PDE4A: variants seen among roughly 807,000 people sequenced by gnomAD.
PDE4A encodes the protein 3',5'-cyclic-AMP phosphodiesterase 4A.
PDE4A carries 21 observed loss-of-function variants against 73.9 expected under a neutral mutation model. The observed-to-expected ratio is 0.28, with a 90% CI of 0.20 to 0.41. PDE4A has a LOEUF of 0.41. PDE4A is among the 10% of genes least tolerant of loss of function. The pLI is 1.00. For synonymous variants in PDE4A, 463 were observed against 505.4 expected (o/e 0.92, Z 1.13); for missense variants, 958 against 1,211.4 (o/e 0.79, Z 3.10).
intron 1 of PDE4A, among the ~76,000 whole-genome samples, chr19:10,439,126 G>T (rs2042903080): frequency 6.6e-6 from 1 of 152,078 alleles, no homozygotes; most frequent in Admixed American, 6.6e-5. Flanking sequence ...CTAGGAGTGG[G>T]ATTGCGCGGT....
At chr19:10,450,769 A>G (rs1395564501) in intron 5 of PDE4A, 60 bp from the exon 6 acceptor site, 12 of 1,578,186 alleles carry the variant, frequency 7.6e-6, no homozygotes, top group Non-Finnish European at 9.5e-6. Context: ...GGCGGTCTGG[A>G]GCCTCTGGGC....
Position 10,459,478 on chromosome 19 carries a change from A to T in PDE4A, c.1180A>T (p.Ile394Phe). Residue 394 changes from isoleucine to phenylalanine, a missense_variant, in exon 9 of 15, where the codon ATC (isoleucine) becomes TTC (phenylalanine). Physicochemically the swap from Ile to Phe is conservative, Grantham distance 21. Around this residue, in one of 3 missense-constraint regions of PDE4A, gnomAD observed 570 missense variants for 827.7 expected, o/e 0.69. Transcript: ENST00000380702. ...CGCTGGAGGCCGCTCACTCACCTGC[A>T]TCATGTACATGATATTCCAGGTGAT... ...DYAGGRSLTC[I>F]MYMIFQERDL... is the part of the protein sequence containing the mutation. The T allele has an allele frequency of 6.2e-7, 1 of 1,614,064 alleles. No individual in the cohort carries two copies. The highest frequency in any genetic ancestry group is 8.5e-7 in the Non-Finnish European group (1 of 1,179,966).
At chr19:10,417,656 C>A, upstream of PDE4A, 1 of 1,590,830 alleles carries the variant, frequency 6.3e-7, no homozygotes, top group South Asian at 1.1e-5. Flanking sequence ...TTGTCCCTCC[C>A]CAGAGGTCGA....
chr19:10,461,329 TGAACGGGCAGGA>T, intron 11 of PDE4A, 185 bp from the exon 12 acceptor site: 1 of 821,940 alleles, frequency 1.2e-6, no homozygotes, highest in Non-Finnish European at 1.4e-6. Context: ...GGAAAGGGGA[TGAACGGGCAGGA>T]GGCGGGGCTG....
chr19:10,420,382 C>G (rs1250259668), upstream of PDE4A: 17 of 977,994 alleles, frequency 1.7e-5, no homozygotes, highest in Admixed American at 2.5e-4. The surrounding 1 kb of genome is among the most constrained non-coding windows in gnomAD (Gnocchi z 6.0). Flanking sequence ...GGAAGGGCCC[C>G]CCTCCTTAGG....
At chr19:10,460,798 C>CAAA (rs34675916) in intron 10 of PDE4A, 7 of 103,414 alleles carry the variant, frequency 6.8e-5, no homozygotes, top group Non-Finnish European at 1.2e-4. Flanking sequence ...AACTCTGTCT[C>CAAA]AAAAAAAAAA....
At chr19:10,451,933 C>G (rs2043097071) in intron 6 of PDE4A, among the ~76,000 whole-genome samples, 1 of 151,434 alleles carries the variant, frequency 6.6e-6, no homozygotes, top group South Asian at 2.1e-4. Context: ...ACATAGCAGT[C>G]TGAGGGCGAT....
At position 10,459,395 on chromosome 19, in the gene PDE4A, A is replaced by AC. The variant is rs761089723; in HGVS notation, c.1102-3dup. 5.6e-6 allele frequency: 9 copies of AC among 1,614,170 alleles called. No individual in the cohort carries two copies. In the South Asian group the frequency reaches 8.8e-5, roughly 16 times the overall value. On this transcript the variant is annotated splice_polypyrimidine_tract_variant and splice_region_variant and intron_variant, in intron 8 of 14. Transcript: ENST00000380702. ...CTTCTGACCTCTGGCCTCCGTCTCCACCAGGAACTGGAGAACCTGAACAAG... is the reference window on the plus strand; with the variant it reads ...CTTCTGACCTCTGGCCTCCGTCTCCACCCAGGAACTGGAGAACCTGAACAAG...
upstream of PDE4A, chr19:10,418,968 G>C (rs974783112): frequency 5.4e-5 from 53 of 985,160 alleles, no homozygotes; most frequent in Non-Finnish European, 6.4e-5. Context: ...CTGCTGATGG[G>C]GGGGCCGGTT....
chr19:10,453,149 G>T lies in PDE4A; in HGVS notation c.784-1680G>T. 1 of 1,433,204 alleles carries T rather than the reference G, an allele frequency of 7.0e-7. No individual in the cohort carries two copies. Among genetic ancestry groups the T allele is most frequent in the Non-Finnish European group, 9.2e-7 (1 of 1,092,614 alleles). The allele number at this position is 1,433,204 out of a possible 1,614,324, so 88.8% of individuals were successfully genotyped here. A position where few individuals can be genotyped will look rare whatever the true frequency, so the allele number is the denominator to read the frequency against. ...CTGGGCCGGCCCAGGCCCCTCCGCGGCTCCCCCTTCCACTACCCACCTGCC... is the reference window on the plus strand; with the variant it reads ...CTGGGCCGGCCCAGGCCCCTCCGCGTCTCCCCCTTCCACTACCCACCTGCC... On this transcript the variant is annotated intron_variant, in intron 6 of 14. Coordinates refer to ENST00000380702, the MANE Select transcript of PDE4A (RefSeq NM_001111307.2). This position sits in a 1 kb window ranked among gnomAD's most constrained non-coding sequence, Gnocchi z 4.6.
At chr19:10,419,147 G>C (rs2042615786), upstream of PDE4A, 1 of 944,688 alleles carries the variant, frequency 1.1e-6, no homozygotes, top group Non-Finnish European at 1.3e-6. Context: ...GGGAGCCCGT[G>C]ACAGGGGGCG....
At position 10,446,207 on chromosome 19, in the gene PDE4A, A is replaced by G. The variant is rs1568374228; in HGVS notation, c.321-11A>G. On this transcript the variant is annotated splice_polypyrimidine_tract_variant and intron_variant, in intron 1 of 14. Coordinates refer to ENST00000380702, the MANE Select transcript of PDE4A (RefSeq NM_001111307.2). ...AGCCTCCTGACCCCTCTTCTCGCCC[A>G]TCCCCTGCAGCTTCGAGGCAGAGAA... 6.4e-7 allele frequency: 1 copy of G among 1,556,456 alleles called. No homozygotes were observed.
chr19:10,456,351 C>T (rs924605899), intron 7 of PDE4A, among the ~76,000 whole-genome samples: 3 of 151,998 alleles, frequency 2.0e-5, no homozygotes, highest in Non-Finnish European at 4.4e-5. Context: ...CATGGTGAAA[C>T]GCCATCTCTA....
At chr19:10,442,789 T>G (rs998450983) in intron 1 of PDE4A, among the ~76,000 whole-genome samples, 2 of 148,714 alleles carry the variant, frequency 1.3e-5, no homozygotes, top group African/African-American at 4.9e-5. Flanking sequence ...CACATACTAC[T>G]AATATATGTA....
intron 1 of PDE4A, among the ~76,000 whole-genome samples, chr19:10,426,725 T>G (rs749170310): frequency 2.6e-5 from 4 of 151,738 alleles, no homozygotes; most frequent in Non-Finnish European, 5.9e-5. Flanking sequence ...ATACAAAAAT[T>G]AGCTGGGCGC....
In PDE4A at chr19:10,437,402, G is replaced by A. The variant is rs535293090; in HGVS notation, c.321-8816G>A. Among the ~76,000 whole-genome samples, 160 of 152,048 alleles carry A rather than the reference G, an allele frequency of 1.1e-3. 1 individual carries two copies. Among genetic ancestry groups the A allele is most frequent in the African/African-American group, 3.3e-3 (139 of 41,510 alleles). On this transcript the variant is annotated intron_variant, in intron 1 of 14. Transcript: ENST00000380702. ...CTCCCAAAGTGTTGGGATTACAGGC[G>A]TAAGCCACCGTGCCCGGCCTTTTTC... is the stretch of plus-strand genomic sequence containing the variant.
chr19:10,420,438 T>A (rs963576896), upstream of PDE4A: 3 of 828,010 alleles, frequency 3.6e-6, no homozygotes, highest in Non-Finnish European at 4.3e-6. The surrounding 1 kb of genome is among the most constrained non-coding windows in gnomAD (Gnocchi z 6.0). Flanking sequence ...GGGGCGGCGC[T>A]GACAGCCGCG....
rs781150332 is a variant in PDE4A, at chr19:10,466,942, T to C, written c.1982T>C (p.Val661Ala). 6.2e-7 allele frequency: 1 copy of C among 1,614,152 alleles called. No individual in the cohort carries two copies. Among genetic ancestry groups the C allele is most frequent in the South Asian group, 1.1e-5 (1 of 91,086 alleles). Residue 661 changes from valine (V) to alanine (A), a missense_variant, in exon 15 of 15, where the codon GTC becomes GCC. Physicochemically the swap from Val to Ala is moderately conservative, Grantham distance 64 (BLOSUM62 0). Coordinates refer to ENST00000380702, the MANE Select transcript of PDE4A (RefSeq NM_001111307.2). ...TTGTGGGAGACCTGGGCGGACCTTG[T>C]CCACCCAGATGCCCAGGAGATCTTG... ...HPLWETWADL[V>A]HPDAQEILDT...
At chr19:10,457,431 C>CGGGGGGGGG (rs372266239) in intron 7 of PDE4A, among the ~76,000 whole-genome samples, 8 of 39,384 alleles carry the variant, frequency 2.0e-4, no homozygotes, top group Admixed American at 3.6e-4. Context: ...CCAAGGTGGG[C>CGGGGGGGGG]GGGGGGGGGG....
Sources: allele counts gnomAD v4.1 joint callset (sites outside exome capture counted in the v4.1 genomes callset), GRCh38; gene constraint gnomAD v4.1.1; regional missense constraint gnomAD v4.1.1; non-coding constraint Gnocchi (gnomAD v3.1); transcripts MANE v1.5; gene names NCBI Gene and HGNC (gene_info 2026-07-23, HGNC 2026-07-21).